MARK2: variants seen among roughly 807,000 people sequenced by gnomAD.
MARK2 encodes microtubule affinity regulating kinase 2.
A neutral mutation model predicts 89.8 loss-of-function variants in MARK2; 16 were observed. That is an observed-to-expected ratio of 0.18 (90% CI 0.12 to 0.27). MARK2 has a LOEUF of 0.27. Ranked by LOEUF, MARK2 falls within the 10% of genes least tolerant of loss-of-function variation. MARK2 has a pLI of 1.00. For missense variants in MARK2, 621 were observed against 1,049.9 expected (o/e 0.59, Z 5.65); for synonymous variants, 382 against 399.5 (o/e 0.96, Z 0.52).
chr11:63,891,014 CCTT>C (rs1470989696), intron 1 of MARK2, among the ~76,000 whole-genome samples: 1 of 152,240 alleles, frequency 6.6e-6, no homozygotes, highest in African/African-American at 2.4e-5. Flanking sequence ...AGTCTCACCT[CCTT>C]CTTGACAATG....
chr11:63,875,299 T>G (rs1001525990), intron 1 of MARK2, among the ~76,000 whole-genome samples: 2 of 152,016 alleles, frequency 1.3e-5, no homozygotes, highest in African/African-American at 4.8e-5. Flanking sequence ...TTTTATATTT[T>G]TAGTAGAGAT....
intron 1 of MARK2, among the ~76,000 whole-genome samples, chr11:63,873,811 A>G (rs988318897): frequency 2.0e-5 from 3 of 151,920 alleles, no homozygotes; most frequent in African/African-American, 7.3e-5. Flanking sequence ...ACGCCCAGCT[A>G]ATTTTTGTAT....
At chr11:63,882,834 T>C (rs1939176765) in intron 1 of MARK2, 1 of 152,186 alleles carries the variant, frequency 6.6e-6, no homozygotes, top group Non-Finnish European at 1.5e-5. Context: ...CAAGAACATA[T>C]ATACTAGGCA....
At position 63,895,335 on chromosome 11, in the gene MARK2, A is replaced by G; in HGVS notation, c.231A>G (p.Lys77=). Residue 77 remains lysine, a synonymous_variant, in exon 2 of 19, where the codon AAA becomes AAG. Transcript: ENST00000402010. ...VKLARHILTG[K]EVAVKIIDKT... is the part of the protein sequence containing the mutation. ...TGGCCCGACACATCCTGACTGGGAA[A>G]GAGGTGAGCACTGGGACTGGGGACA... 1.2e-6 allele frequency: 2 copies of G among 1,613,542 alleles called. No individual in the cohort carries two copies. The highest frequency in any genetic ancestry group is 1.3e-5 in the African/African-American group (1 of 75,044).
chr11:63,866,085 A>G (rs1938112264), intron 1 of MARK2, among the ~76,000 whole-genome samples: 1 of 152,042 alleles, frequency 6.6e-6, no homozygotes, highest in Admixed American at 6.6e-5. Context: ...ATTCTGAAAT[A>G]TATATTTTAA....
chr11:63,899,809 C>A lies in MARK2; in HGVS notation c.532-65C>A, dbSNP rs145384856. 61 of 1,055,550 alleles carry A rather than the reference C, an allele frequency of 5.8e-5. No individual in the cohort carries two copies. In the African/African-American group the frequency reaches 8.9e-4, roughly 15 times the overall value. 65.4% of individuals were successfully genotyped at this position (1,055,550 alleles called of 1,614,324 possible). A position where few individuals can be genotyped will look rare whatever the true frequency, so the allele number is the denominator to read the frequency against. ...GTTTGTTCTCCCATTCCCCTCAGCT[C>A]CTTCCTGCCCAGGGCCTTAGTCTGG... On this transcript the variant is annotated intron_variant, in intron 7 of 18. Transcript: ENST00000402010.
At chr11:63,897,011 G>GA in intron 3 of MARK2, among the ~76,000 whole-genome samples, 1 of 152,290 alleles carries the variant, frequency 6.6e-6, no homozygotes, top group South Asian at 2.1e-4. Flanking sequence ...AAAACCTTTT[G>GA]AGACTCTTTG....
Position 63,845,154 on chromosome 11 carries a change from G to A in MARK2, c.54+5594G>A, listed in dbSNP as rs567115015. On this transcript the variant is annotated intron_variant, in intron 1 of 18. Transcript: ENST00000402010. ...TCATCTTCCTTCCCTGAGACTGCCT[G>A]ATGAGGCTTTCCTACAGTAACCAGG... 2.6e-5 allele frequency among the ~76,000 whole-genome samples: 4 copies of A among 152,296 alleles called. No individual in the cohort carries two copies. The South Asian group carries it at 8.3e-4, about 32-fold the overall frequency.
intron 1 of MARK2, among the ~76,000 whole-genome samples, chr11:63,851,273 C>T (rs962951395): frequency 2.0e-5 from 3 of 152,106 alleles, no homozygotes; most frequent in Admixed American, 1.3e-4. Context: ...AGTTTTTTCA[C>T]ATTGAAGCTG....
chr11:63,858,333 A>G (rs925089628), intron 1 of MARK2, among the ~76,000 whole-genome samples: 2 of 151,062 alleles, frequency 1.3e-5, no homozygotes, highest in African/African-American at 2.4e-5. Context: ...ATAATTTTAC[A>G]TGAGTTAATA....
At chr11:63,850,683 G>A (rs2016531528) in intron 1 of MARK2, among the ~76,000 whole-genome samples, 1 of 152,128 alleles carries the variant, frequency 6.6e-6, no homozygotes, top group South Asian at 2.1e-4. Context: ...TGGCTAGAAG[G>A]CCAAATCCAA....
At chr11:63,873,654 AT>A (rs961010037) in intron 1 of MARK2, among the ~76,000 whole-genome samples, 7 of 152,012 alleles carry the variant, frequency 4.6e-5, no homozygotes, top group African/African-American at 1.7e-4. Flanking sequence ...ATTTTATTTT[AT>A]TTTTTTCTGA....
At chr11:63,878,111 A>G (rs555647387) in intron 1 of MARK2, among the ~76,000 whole-genome samples, 140 of 152,352 alleles carry the variant, frequency 9.2e-4, no homozygotes, top group African/African-American at 3.1e-3. Context: ...TAGGGAAGAC[A>G]GTTGTAAAGA....
intron 1 of MARK2, among the ~76,000 whole-genome samples, chr11:63,856,927 C>T (rs943765407): frequency 6.6e-6 from 1 of 151,558 alleles, no homozygotes; most frequent in African/African-American, 2.4e-5. Context: ...CCTGCCTCAG[C>T]CTCCCGAGTA....
In MARK2 at chr11:63,879,687, TAAGTG is replaced by T. The variant is rs148507965; in HGVS notation, c.55-15471_55-15467del. Among the ~76,000 whole-genome samples, 768 of 152,200 alleles carry T rather than the reference TAAGTG, an allele frequency of 5.0e-3. 10 individuals carry two copies. Among genetic ancestry groups the T allele is most frequent in the African/African-American group, 0.018 (741 of 41,526 alleles). On this transcript the variant is annotated intron_variant, in intron 1 of 18. Transcript: ENST00000402010. ...GCCAGTTGGATTTTTAGTGGTCACTTAAGTGGAGTAGCCACTTTGCAGCCTGGCCC... is the reference window on the plus strand; with the variant it reads ...GCCAGTTGGATTTTTAGTGGTCACTTGAGTAGCCACTTTGCAGCCTGGCCC...
intron 1 of MARK2, among the ~76,000 whole-genome samples, chr11:63,846,572 C>A (rs562781644): frequency 1.3e-3 from 193 of 151,742 alleles, no homozygotes; most frequent in African/African-American, 4.5e-3. Context: ...GTCAGGCTGG[C>A]CTTGAACTCA....
intron 1 of MARK2, among the ~76,000 whole-genome samples, chr11:63,851,571 G>T (rs564621877): frequency 6.6e-6 from 1 of 151,032 alleles, no homozygotes; most frequent in Non-Finnish European, 1.5e-5. Flanking sequence ...CCTCATTCCC[G>T]TCCATCTTAG....
intron 1 of MARK2, chr11:63,888,998 T>G (rs374245530): frequency 8.3e-6 from 11 of 1,329,668 alleles, no homozygotes; most frequent in Middle Eastern, 2.1e-4. Context: ...TAGGATTGCC[T>G]CCTCCTCTTT....
intron 1 of MARK2, among the ~76,000 whole-genome samples, chr11:63,876,319 A>C (rs1456658351): frequency 6.6e-6 from 1 of 152,244 alleles, no homozygotes; most frequent in Non-Finnish European, 1.5e-5. Flanking sequence ...AGCTTTGAGT[A>C]CAGAAGTTCA....
Sources: allele counts gnomAD v4.1 joint callset (sites outside exome capture counted in the v4.1 genomes callset), GRCh38; gene constraint gnomAD v4.1.1; transcripts MANE v1.5; gene names NCBI Gene and HGNC (gene_info 2026-07-23, HGNC 2026-07-21).